SEPTIN10: variants seen among roughly 807,000 people sequenced by gnomAD.
SEPTIN10 encodes septin 10.
In SEPTIN10, 66 loss-of-function variants were observed where a neutral mutation model predicts 54.8. The observed-to-expected ratio is 1.21, with a 90% CI of 0.99 to 1.48. SEPTIN10 has a LOEUF of 1.48. SEPTIN10 is among the 40% of genes most tolerant of loss of function. SEPTIN10 has a pLI of 0.00. For missense variants in SEPTIN10, 620 were observed against 545.6 expected (o/e 1.14, Z -1.36); for synonymous variants, 161 against 181.0 (o/e 0.89, Z 0.89).
intron 10 of SEPTIN10, chr2:109,545,454 C>T (rs768496667): frequency 6.5e-7 from 1 of 1,536,160 alleles, no homozygotes; most frequent in Non-Finnish European, 8.7e-7. Context: ...CTGTGGCCCT[C>T]TCTACCTTTC....
At chr2:109,565,650 T>C (rs1686808387) in intron 7 of SEPTIN10, 113 bp downstream of exon 7, 1 of 927,932 alleles carries the variant, frequency 1.1e-6, no homozygotes, top group South Asian at 1.4e-5. Context: ...CACAGCCAAT[T>C]CCTCTGACAA....
intron 8 of SEPTIN10, among the ~76,000 whole-genome samples, chr2:109,555,949 T>C (rs1421125068): frequency 6.6e-6 from 1 of 152,230 alleles, no homozygotes; most frequent in Non-Finnish European, 1.5e-5. Flanking sequence ...TTCCAAGCAC[T>C]GCCATGGCAT....
At chr2:109,552,757 T>A in intron 9 of SEPTIN10, 1 of 215,252 alleles carries the variant, frequency 4.6e-6, no homozygotes, top group Non-Finnish European at 9.2e-6. Flanking sequence ...CACCTAAAAA[T>A]TGTATACCGT....
At position 109,599,458 on chromosome 2, in the gene SEPTIN10, CAAAAAAA is replaced by C. The variant is rs55670927; in HGVS notation, c.31-6346_31-6340del. 4.1e-4 allele frequency among the ~76,000 whole-genome samples: 26 copies of C among 63,316 alleles called. No homozygotes were observed. The Admixed American group carries it at 4.4e-3, about 11-fold the overall frequency. 41.5% of individuals were successfully genotyped at this position (63,316 alleles called of 152,430 possible). On this transcript the variant is annotated intron_variant, in intron 1 of 10. Transcript: ENST00000397712. ...GGGCAAAAGAGCAAGACTCAGTCTC[CAAAAAAA>C]AAAAAAAAAAAAGAACTCAAGTGAA...
At chr2:109,568,053 C>G in intron 5 of SEPTIN10, 77 bp from the exon 6 acceptor site, 1 of 1,125,336 alleles carries the variant, frequency 8.9e-7, no homozygotes, top group Non-Finnish European at 1.3e-6. Context: ...TCACTCAAAA[C>G]TGTTCATTCT....
At chr2:109,554,672 CT>C (rs1485122398) in intron 8 of SEPTIN10, among the ~76,000 whole-genome samples, 1 of 152,138 alleles carries the variant, frequency 6.6e-6, no homozygotes, top group Non-Finnish European at 1.5e-5. Context: ...AATTTTTTTT[CT>C]TATCAATGTT....
rs149695363 is a variant in SEPTIN10, at chr2:109,596,194, G to A, written c.31-3075C>T. On this transcript the variant is annotated intron_variant, in intron 1 of 10. Coordinates refer to ENST00000397712, the MANE Select transcript of SEPTIN10 (RefSeq NM_144710.5). ...CTACAGGCATGCACCACCACACCCG[G>A]CTGAAAATCAAACTTTAAAAATTAC... is the stretch of plus-strand genomic sequence containing the variant. Among the ~76,000 whole-genome samples the A allele has an allele frequency of 5.3e-5, 8 of 152,208 alleles. No individual in the cohort carries two copies. In the East Asian group the frequency reaches 1.5e-3, roughly 29 times the overall value.
intron 1 of SEPTIN10, among the ~76,000 whole-genome samples, chr2:109,593,638 T>C (rs1375803159): frequency 6.6e-6 from 1 of 152,088 alleles, no homozygotes. Flanking sequence ...ACTTCTGACC[T>C]CGTGATTGGC....
rs547674735 is a variant in SEPTIN10 at position 109,564,257 on chromosome 2, T to A, written c.1028+109A>T. 4 of 993,886 alleles carry A rather than the reference T, an allele frequency of 4.0e-6. No homozygotes were observed. The East Asian group carries it at 1.1e-4, about 28-fold the overall frequency. The allele number at this position is 993,886 out of a possible 1,614,324, so 61.6% of individuals were successfully genotyped here. On this transcript the variant is annotated intron_variant, in intron 8 of 10. Coordinates refer to ENST00000397712, the MANE Select transcript of SEPTIN10 (RefSeq NM_144710.5). Reference sequence around the variant, plus strand: ...GTCATTACCAAATGATTCTATATCATGGTTTTGGGAGATTCTAAAGAACAC... The same window carrying A: ...GTCATTACCAAATGATTCTATATCAAGGTTTTGGGAGATTCTAAAGAACAC...
In SEPTIN10 at chr2:109,574,573, C is replaced by A; in HGVS notation, c.600+8G>T. ...AGTATGGTAAGTTGATTCCTTTCCTCAACCCACCTTGCTGTCAAGGTTCTT... is the reference window on the plus strand; with the variant it reads ...AGTATGGTAAGTTGATTCCTTTCCTAAACCCACCTTGCTGTCAAGGTTCTT... On this transcript the variant is annotated splice_region_variant and intron_variant, in intron 5 of 10. Transcript: ENST00000397712. 6.7e-7 allele frequency: 1 copy of A among 1,491,232 alleles called. No homozygotes were observed. The highest frequency in any genetic ancestry group is 8.9e-7 in the Non-Finnish European group (1 of 1,120,536). The allele number at this position is 1,491,232 out of a possible 1,614,324, so 92.4% of individuals were successfully genotyped here.
At chr2:109,612,014 A>G (rs75361978) in intron 1 of SEPTIN10, among the ~76,000 whole-genome samples, 4,579 of 152,302 alleles carry the variant, frequency 0.03, 77 homozygotes, top group South Asian at 0.074. Flanking sequence ...TTATGCTTAC[A>G]TTATGAGTTA....
At chr2:109,548,145 G>T (rs1681801990) in intron 9 of SEPTIN10, among the ~76,000 whole-genome samples, 1 of 150,466 alleles carries the variant, frequency 6.6e-6, no homozygotes, top group Non-Finnish European at 1.5e-5. Context: ...CAAGGAGAAT[G>T]TAGGTGGACC....
At position 109,574,674 on chromosome 2, in the gene SEPTIN10, A is replaced by C; in HGVS notation, c.507T>G (p.Asp169Glu). ...KIKRSLFTYHDSRIHVCLYFI... is the reference protein window; with the variant it reads ...KIKRSLFTYHESRIHVCLYFI... Reference sequence around the variant, plus strand: ...AGTAGAGACACACATGGATGCGAGAATCATGGTAGGTAAAGAGAGAACGCT... The same window carrying C: ...AGTAGAGACACACATGGATGCGAGACTCATGGTAGGTAAAGAGAGAACGCT... Residue 169 changes from aspartate (D) to glutamate (E), a missense_variant, in exon 5 of 11, where the codon GAT (aspartate) becomes GAG (glutamate). Coordinates refer to ENST00000397712, the MANE Select transcript of SEPTIN10 (RefSeq NM_144710.5). 6.2e-7 allele frequency: 1 copy of C among 1,610,592 alleles called. No homozygotes were observed. The highest frequency in any genetic ancestry group is 8.5e-7 in the Non-Finnish European group (1 of 1,178,386).
chr2:109,568,346 C>T (rs1443610009), intron 5 of SEPTIN10, among the ~76,000 whole-genome samples: 1 of 151,252 alleles, frequency 6.6e-6, no homozygotes, highest in Non-Finnish European at 1.5e-5. Context: ...CTTATACACT[C>T]ATTCCTACAG....
intron 8 of SEPTIN10, among the ~76,000 whole-genome samples, chr2:109,555,031 A>G (rs935158999): frequency 3.9e-5 from 6 of 152,040 alleles, no homozygotes; most frequent in African/African-American, 1.4e-4. Flanking sequence ...GCCGAACCTG[A>G]TCTTTGTGAT....
At chr2:109,586,944 A>G (rs1443162940) in intron 2 of SEPTIN10, among the ~76,000 whole-genome samples, 2 of 152,224 alleles carry the variant, frequency 1.3e-5, no homozygotes, top group Non-Finnish European at 2.9e-5. Flanking sequence ...AGAAGAAGAA[A>G]ACAGAATCTA....
chr2:109,555,386 T>C (rs975172436), intron 8 of SEPTIN10, among the ~76,000 whole-genome samples: 64 of 152,270 alleles, frequency 4.2e-4, no homozygotes, highest in African/African-American at 1.4e-3. Context: ...CTGTCCACCT[T>C]CTACCCCCAT....
intron 8 of SEPTIN10, among the ~76,000 whole-genome samples, chr2:109,558,304 A>G (rs1389630490): frequency 6.6e-6 from 1 of 152,198 alleles, no homozygotes; most frequent in African/African-American, 2.4e-5. Flanking sequence ...CTGAAGAACT[A>G]TTTAGTTCTT....
chr2:109,583,772 G>A (rs879760033), intron 4 of SEPTIN10, among the ~76,000 whole-genome samples: 1 of 152,160 alleles, frequency 6.6e-6, no homozygotes, highest in East Asian at 1.9e-4. Context: ...TAAAACAAGT[G>A]TGGTACATAC....
Sources: allele counts gnomAD v4.1 joint callset (sites outside exome capture counted in the v4.1 genomes callset), GRCh38; gene constraint gnomAD v4.1.1; transcripts MANE v1.5; gene names NCBI Gene and HGNC (gene_info 2026-07-23, HGNC 2026-07-21).